SPMAP2L: variants seen among roughly 807,000 people sequenced by gnomAD.
SPMAP2L encodes sperm microtubule associated protein 2-like.
At chr4:56,533,553 A>C in the SPMAP2L span, among the ~76,000 whole-genome samples, 1 of 152,158 alleles carries the variant, frequency 6.6e-6, no homozygotes, top group Non-Finnish European at 1.5e-5. Flanking sequence ...GTTGGATTTC[A>C]ATCCCATCTA....
the SPMAP2L span, among the ~76,000 whole-genome samples, chr4:56,618,323 G>A: frequency 6.6e-6 from 1 of 152,198 alleles, no homozygotes; most frequent in Admixed American, 6.5e-5. Flanking sequence ...ACATTGCCAG[G>A]AGGCAGCAGG....
At chr4:56,595,146 G>A in the SPMAP2L span, 6 of 1,611,460 alleles carry the variant, frequency 3.7e-6, no homozygotes, top group African/African-American at 1.3e-5. Flanking sequence ...AACAAGCCAC[G>A]GAAACTGCGA....
At chr4:56,539,920 T>C in the SPMAP2L span, among the ~76,000 whole-genome samples, 1 of 152,238 alleles carries the variant, frequency 6.6e-6, no homozygotes, top group African/African-American at 2.4e-5. Flanking sequence ...TGTCTGTCTT[T>C]CTACCTGAAA....
chr4:56,573,842 A>G, the SPMAP2L span, among the ~76,000 whole-genome samples: 1 of 152,124 alleles, frequency 6.6e-6, no homozygotes, highest in Middle Eastern at 3.4e-3. Flanking sequence ...GGTCGCGAGC[A>G]AGGGGGATAC....
At chr4:56,595,785 A>G in the SPMAP2L span, 1 of 793,028 alleles carries the variant, frequency 1.3e-6, no homozygotes, top group African/African-American at 1.7e-5. Flanking sequence ...GATAAGCAAG[A>G]AAGATTTCAT....
At chr4:56,589,142 C>G in the SPMAP2L span, among the ~76,000 whole-genome samples, 4 of 152,200 alleles carry the variant, frequency 2.6e-5, no homozygotes, top group East Asian at 7.7e-4. Context: ...GCGCCCACCA[C>G]CACACCTGGC....
the SPMAP2L span, among the ~76,000 whole-genome samples, chr4:56,581,174 G>T: frequency 6.6e-6 from 1 of 152,026 alleles, no homozygotes; most frequent in African/African-American, 2.4e-5. Context: ...AAAAAATTAG[G>T]CCAGGCATGG....
At chr4:56,570,502 A>T in the SPMAP2L span, among the ~76,000 whole-genome samples, 9 of 152,306 alleles carry the variant, frequency 5.9e-5, no homozygotes, top group Non-Finnish European at 5.9e-5. Context: ...AATGGTAAGT[A>T]TTTGTGTATC....
At chr4:56,594,666 T>C in the SPMAP2L span, 1 of 1,299,252 alleles carries the variant, frequency 7.7e-7, no homozygotes, top group Non-Finnish European at 1.1e-6. Context: ...CCTGTGGAGG[T>C]GGATAAATGT....
chr4:56,547,877 T>C, the SPMAP2L span, among the ~76,000 whole-genome samples: 1 of 152,204 alleles, frequency 6.6e-6, no homozygotes, highest in African/African-American at 2.4e-5. Context: ...GATTTTTCAT[T>C]AGCTTAACCA....
chr4:56,572,123 C>A, the SPMAP2L span, among the ~76,000 whole-genome samples: 1 of 151,992 alleles, frequency 6.6e-6, no homozygotes, highest in Non-Finnish European at 1.5e-5. Context: ...AATACATAAA[C>A]CAGTAGCATA....
the SPMAP2L span, chr4:56,596,737 T>C: frequency 8.3e-7 from 1 of 1,205,594 alleles, no homozygotes. Context: ...AAAGAGAATC[T>C]GGGAAGAGTG....
the SPMAP2L span, among the ~76,000 whole-genome samples, chr4:56,537,752 G>A: frequency 0.14 from 20,681 of 150,932 alleles, 1,641 homozygotes; most frequent in East Asian, 0.28. Context: ...GTGCAGTGGC[G>A]CGCGATCTCG....
At chr4:56,557,019 C>T in the SPMAP2L span, among the ~76,000 whole-genome samples, 50 of 151,438 alleles carry the variant, frequency 3.3e-4, 1 homozygote, top group South Asian at 6.3e-4. Flanking sequence ...GAGGCCAAGG[C>T]GGGTAGATCA....
the SPMAP2L span, among the ~76,000 whole-genome samples, chr4:56,623,893 A>T: frequency 6.6e-6 from 1 of 152,208 alleles, no homozygotes; most frequent in African/African-American, 2.4e-5. Flanking sequence ...AATTGGTACC[A>T]GTAGAGTGGG....
the SPMAP2L span, chr4:56,600,912 T>A: frequency 2.6e-6 from 4 of 1,523,052 alleles, no homozygotes; most frequent in African/African-American, 5.5e-5. Context: ...TATATTTTTG[T>A]GTCTCTTTGT....
the SPMAP2L span, among the ~76,000 whole-genome samples, chr4:56,624,529 G>GA: frequency 6.6e-6 from 1 of 152,168 alleles, no homozygotes; most frequent in East Asian, 1.9e-4. Flanking sequence ...GGCCTAGGAG[G>GA]AAAAAGTGGT....
At chr4:56,556,967 G>T in the SPMAP2L span, among the ~76,000 whole-genome samples, 1 of 152,062 alleles carries the variant, frequency 6.6e-6, no homozygotes, top group South Asian at 2.1e-4. Context: ...AACAGAGAGA[G>T]GCCGGGTGTG....
the SPMAP2L span, among the ~76,000 whole-genome samples, chr4:56,620,117 T>A: frequency 7.3e-3 from 1,117 of 152,306 alleles, 11 homozygotes; most frequent in African/African-American, 0.026. Context: ...AAATCCTGCA[T>A]GGGAAATGCT....
Sources: gnomAD v4.1 joint callset for allele counts (sites outside exome capture counted in the v4.1 genomes callset) on GRCh38, gnomAD v4.1.1 for gene constraint, MANE v1.5 for transcripts, NCBI Gene and HGNC (gene_info 2026-07-23, HGNC 2026-07-21) for gene names.